The following PGD variants were observed in gnomAD, a reference collection of about 807,000 sequenced individuals.
The protein encoded by PGD is phosphogluconate dehydrogenase.
Under a neutral mutation model 60.4 loss-of-function variants are expected in PGD, and 21 were observed. The ratio of observed to expected loss-of-function variants is 0.35; its 90% CI spans 0.25 to 0.50. The LOEUF is 0.50. Among genes scored for constraint, PGD ranks in the 20% least tolerant of loss-of-function variants. PGD has a pLI of 0.98. For missense variants in PGD, 477 were observed against 613.1 expected (o/e 0.78, Z 2.34); for synonymous variants, 230 against 235.9 (o/e 0.97, Z 0.23).
intron 8 of PGD, 88 bp downstream of exon 8, chr1:10,413,339 T>A: frequency 8.4e-7 from 1 of 1,192,140 alleles, no homozygotes; most frequent in South Asian, 1.4e-5. Flanking sequence ...CTTTAGAGAA[T>A]CTCTTCAGCC....
chr1:10,417,349 C>G, intron 9 of PGD, 27 bp from the exon 10 acceptor site: 2 of 1,587,998 alleles, frequency 1.3e-6, no homozygotes, highest in Non-Finnish European at 1.7e-6. Context: ...AATGGCAATC[C>G]TAGTAGGTCT....
chr1:10,411,709 A>G (rs1405693496), intron 7 of PGD, among the ~76,000 whole-genome samples, 157 bp downstream of exon 7: 4 of 152,150 alleles, frequency 2.6e-5, no homozygotes, highest in African/African-American at 9.7e-5. Flanking sequence ...AGGCCTATAC[A>G]CTATGCTAGT....
chr1:10,409,908 G>C (rs1639470828), intron 6 of PGD, among the ~76,000 whole-genome samples: 1 of 151,940 alleles, frequency 6.6e-6, no homozygotes, highest in African/African-American at 2.4e-5. Flanking sequence ...GGCCCACCTT[G>C]GCCTCCCAAA....
chr1:10,399,096 C>T lies in PGD; in HGVS notation c.-22C>T, dbSNP rs199802743. ...TCGTCCTCCGCGCGTCGCCGCTCTT[C>T]GGTTCTGCTCTGTCCGCCGCCATGG... On this transcript the variant is annotated 5_prime_UTR_variant, in exon 1 of 13. Transcript: ENST00000270776. 3.1e-4 allele frequency: 506 copies of T among 1,609,474 alleles called. 2 individuals are homozygous for T. The highest frequency in any genetic ancestry group is 6.8e-4 in the Middle Eastern group (4 of 5,896).
Position 10,419,554 on chromosome 1 carries a change from C to T in PGD, c.1332+15C>T. ...GCCTCATCCAGGTAAGCCTGTGGAG[C>T]AGGGATTAACCTGGCTGGCCCCTCG... On this transcript the variant is annotated intron_variant, in intron 12 of 12. Coordinates refer to ENST00000270776, the MANE Select transcript of PGD (RefSeq NM_002631.4). 1.9e-6 allele frequency: 3 copies of T among 1,614,006 alleles called. No individual in the cohort carries two copies. The highest frequency in any genetic ancestry group is 2.5e-6 in the Non-Finnish European group (3 of 1,179,890).
chr1:10,404,054 C>T, intron 4 of PGD, 107 bp from the exon 5 acceptor site: 1 of 783,696 alleles, frequency 1.3e-6, no homozygotes, highest in South Asian at 1.7e-5. Context: ...CCATTCCTAT[C>T]TTATACTTCC....
chr1:10,400,252 C>T, intron 2 of PGD, 141 bp from the exon 3 acceptor site: 1 of 632,470 alleles, frequency 1.6e-6, no homozygotes, highest in Non-Finnish European at 2.8e-6. Context: ...AGTGAGCCTC[C>T]CACAGCTGGG....
chr1:10,404,088 T>C, intron 4 of PGD, 73 bp from the exon 5 acceptor site: 1 of 1,030,010 alleles, frequency 9.7e-7, no homozygotes, highest in Non-Finnish European at 1.5e-6. Context: ...GGAAACATTT[T>C]TGGGTAGCAT....
At position 10,399,901 on chromosome 1, in the gene PGD, T is replaced by C. The variant is rs12096283; in HGVS notation, c.84+197T>C. 4.0e-3 allele frequency: 2,406 copies of C among 606,498 alleles called. 43 individuals carry two copies. In the African/African-American group the frequency reaches 0.04, roughly 10 times the overall value. The allele number at this position is 606,498 out of a possible 1,614,324, so 37.6% of individuals were successfully genotyped here. A position where few individuals can be genotyped will look rare whatever the true frequency, so the allele number is the denominator to read the frequency against. On this transcript the variant is annotated intron_variant, in intron 2 of 12. Coordinates refer to ENST00000270776, the MANE Select transcript of PGD (RefSeq NM_002631.4). The stretch of plus-strand genomic sequence containing the variant: ...CGATCCCGAACTTAGTCCTGCGGAG[T>C]GTGCCTGTGGGTCCGTGAGGTTCAC...
At position 10,399,773 on chromosome 1, in the gene PGD, T is replaced by TAC. The variant is rs1557757962; in HGVS notation, c.84+69_84+70insAC. The stretch of plus-strand genomic sequence containing the variant: ...CTTTAGCCGAGGCCGGCGATAGGTT[T>TAC]GGGAGCTTACGGGTCTCCTGGCCGT... On this transcript the variant is annotated intron_variant, in intron 2 of 12. Coordinates refer to ENST00000270776, the MANE Select transcript of PGD (RefSeq NM_002631.4). 47 of 1,355,574 alleles carry TAC rather than the reference T, an allele frequency of 3.5e-5. No individual in the cohort carries two copies. In the South Asian group the frequency reaches 5.4e-4, roughly 15 times the overall value. 84.0% of individuals were successfully genotyped at this position (1,355,574 alleles called of 1,614,324 possible).
intron 6 of PGD, among the ~76,000 whole-genome samples, chr1:10,410,312 T>G (rs561855030): frequency 6.6e-6 from 1 of 152,114 alleles, no homozygotes; most frequent in Admixed American, 6.5e-5. Context: ...TGTGGCGGTG[T>G]GCTCCTGTAA....
In PGD at chr1:10,408,126, C is replaced by A; in HGVS notation, c.505C>A (p.Pro169Thr). The change falls in exon 6 of 13, where the codon CCC (proline) becomes ACC (threonine). Residue 169 changes from proline to threonine, a missense_variant. Pro to Thr is a conservative substitution (Grantham distance 38). Around this residue, in one of 3 missense-constraint regions of PGD, gnomAD observed 431 missense variants for 556.6 expected, o/e 0.77. Coordinates refer to ENST00000270776, the MANE Select transcript of PGD (RefSeq NM_002631.4). ...GIAAKVGTGE[P>T]CCDWVGDEGA... is the part of the protein sequence containing the mutation. ...TGCTGCAAAAGTGGGAACTGGAGAA[C>A]CCTGCTGTGACTGGGCAAGTTCTGG... is the stretch of plus-strand genomic sequence containing the variant. 1 of 1,595,922 alleles carries A rather than the reference C, an allele frequency of 6.3e-7. No homozygotes were observed. The highest frequency in any genetic ancestry group is 8.6e-7 in the Non-Finnish European group (1 of 1,163,314).
At chr1:10,401,011 C>T (rs1015119128) in intron 3 of PGD, among the ~76,000 whole-genome samples, 1 of 152,138 alleles carries the variant, frequency 6.6e-6, no homozygotes, top group Admixed American at 6.5e-5. Flanking sequence ...TCGAGACCAG[C>T]CTGGCCAACA....
chr1:10,400,929 A>G (rs995941742), intron 3 of PGD, among the ~76,000 whole-genome samples: 5 of 152,130 alleles, frequency 3.3e-5, no homozygotes, highest in Admixed American at 1.3e-4. Context: ...CTGTCTCTAC[A>G]TAAAATTAAA....
chr1:10,408,001 T>C, intron 5 of PGD, 70 bp from the exon 6 acceptor site: 2 of 878,980 alleles, frequency 2.3e-6, no homozygotes, highest in Admixed American at 3.5e-5. Context: ...ATGGGTATGT[T>C]GGTGTCTATG....
chr1:10,412,213 A>T (rs551470748), intron 7 of PGD, among the ~76,000 whole-genome samples: 1 of 152,352 alleles, frequency 6.6e-6, no homozygotes, highest in East Asian at 1.9e-4. Flanking sequence ...TTTTAACTGA[A>T]AACATAGGAA....
chr1:10,413,098 T>C lies in PGD; in HGVS notation c.691T>C (p.Phe231Leu). The change falls in exon 8 of 13, where the codon TTC becomes CTC. Residue 231 changes from phenylalanine (F) to leucine (L), a missense_variant. Coordinates refer to ENST00000270776, the MANE Select transcript of PGD (RefSeq NM_002631.4). ...TTGGAATAAGACAGAGCTAGACTCA[T>C]TCCTGATTGAAATCACAGCCAATAT... ...EDWNKTELDS[F>L]LIEITANILK... 1 of 1,614,140 alleles carries C rather than the reference T, an allele frequency of 6.2e-7. No individual in the cohort carries two copies. Among genetic ancestry groups the C allele is most frequent in the Non-Finnish European group, 8.5e-7 (1 of 1,179,986 alleles).
At position 10,419,723 on chromosome 1, in the gene PGD, G is replaced by A. The variant is rs747979206; in HGVS notation, c.1426G>A (p.Val476Met). The A allele has an allele frequency of 9.3e-6, 15 of 1,614,074 alleles. No individual in the cohort carries two copies. The highest frequency in any genetic ancestry group is 4.5e-5 in the East Asian group (2 of 44,902). Reference sequence around the variant, plus strand: ...CAACTGGACAGGCCATGGTGGCACCGTGTCATCCTCGTCATACAATGCCTG... The same window carrying A: ...CAACTGGACAGGCCATGGTGGCACCATGTCATCCTCGTCATACAATGCCTG... ...HTNWTGHGGTVSSSSYNA is the reference protein window; with the variant it reads ...HTNWTGHGGTMSSSSYNA Residue 476 changes from valine to methionine, a missense_variant, in exon 13 of 13, where the codon GTG becomes ATG. Val to Met is a conservative substitution (Grantham distance 21). This residue lies in a region of PGD where 44 missense variants were observed against 40.3 expected (regional missense o/e 1.09). Transcript: ENST00000270776.
intron 5 of PGD, 64 bp from the exon 6 acceptor site, chr1:10,408,007 C>CT: frequency 1.1e-6 from 1 of 938,398 alleles, no homozygotes; most frequent in Non-Finnish European, 1.8e-6. Flanking sequence ...ATGTTGGTGT[C>CT]TATGGGTATG....
Sources: gnomAD v4.1 joint callset for allele counts (sites outside exome capture counted in the v4.1 genomes callset) on GRCh38, gnomAD v4.1.1 for gene constraint, gnomAD v4.1.1 regional missense constraint, MANE v1.5 for transcripts, NCBI Gene and HGNC (gene_info 2026-07-23, HGNC 2026-07-21) for gene names.